DAB1: variants seen among roughly 807,000 people sequenced by gnomAD.
The protein encoded by DAB1 is DAB adaptor protein 1.
Under a neutral mutation model 64.6 loss-of-function variants are expected in DAB1, and 15 were observed. The observed-to-expected ratio is 0.23, with a 90% CI of 0.16 to 0.36. The LOEUF (loss-of-function observed/expected upper bound fraction) is 0.36, where lower values mean the gene tolerates loss of function less well. Among genes scored for constraint, DAB1 ranks in the 10% least tolerant of loss-of-function variants. The pLI is 1.00. For missense variants in DAB1, 596 were observed against 706.7 expected, an observed-to-expected ratio of 0.84 and a Z score of 1.78; for synonymous variants, 235 against 251.9, an observed-to-expected ratio of 0.93 and a Z score of 0.64.
intron 11 of DAB1, among the ~76,000 whole-genome samples, chr1:57,020,686 T>C (rs1382233773): frequency 2.0e-5 from 3 of 152,238 alleles, no homozygotes; most frequent in Non-Finnish European, 4.4e-5. Flanking sequence ...CAGCATATTC[T>C]ACACTAAATA....
At chr1:57,763,073 A>G (rs767516515) in intron 6 of DAB1, among the ~76,000 whole-genome samples, 8 of 152,174 alleles carry the variant, frequency 5.3e-5, no homozygotes, top group Non-Finnish European at 1.2e-4. Flanking sequence ...TCCCTCCCCT[A>G]TTGCAAAATA....
At chr1:58,492,413 A>G (rs567881406) in intron 3 of DAB1, among the ~76,000 whole-genome samples, 3 of 150,864 alleles carry the variant, frequency 2.0e-5, no homozygotes, top group African/African-American at 7.3e-5. Context: ...AATAACTAAG[A>G]TCAGAGCAGA....
chr1:58,379,037 C>T (rs1644362632), intron 3 of DAB1, among the ~76,000 whole-genome samples: 2 of 151,460 alleles, frequency 1.3e-5, no homozygotes, highest in Non-Finnish European at 2.9e-5. Context: ...CCTGCTTCGG[C>T]TCGCGCATGG....
Position 57,747,207 on chromosome 1 carries a change from T to C in DAB1, n.552-97542A>G, listed in dbSNP as rs1459454593. Among the ~76,000 whole-genome samples, 5 of 152,222 alleles carry C rather than the reference T, an allele frequency of 3.3e-5. No individual in the cohort carries two copies. In the East Asian group the frequency reaches 9.6e-4, roughly 29 times the overall value. ...TAAGTTCTCCCAAAGTTCTAAACCA[T>C]ACATATTCGCCCCTTCTTGCCCTTG... On this transcript the variant is annotated intron_variant and non_coding_transcript_variant, in intron 6 of 20. Transcript: ENST00000485760.
intron 4 of DAB1, among the ~76,000 whole-genome samples, chr1:57,122,214 G>C (rs1417445657): frequency 6.6e-6 from 1 of 152,130 alleles, no homozygotes; most frequent in Non-Finnish European, 1.5e-5. Context: ...TGTTTACTCG[G>C]CTGCTAGATT....
chr1:57,770,573 C>T (rs536387935), intron 6 of DAB1, among the ~76,000 whole-genome samples: 2 of 152,208 alleles, frequency 1.3e-5, no homozygotes, highest in African/African-American at 4.8e-5. Context: ...TCTGTCAAGG[C>T]AAAATGTTAT....
chr1:57,733,750 GAGA>G (rs1275742444), intron 6 of DAB1, among the ~76,000 whole-genome samples: 2 of 152,102 alleles, frequency 1.3e-5, no homozygotes, highest in African/African-American at 4.8e-5. Flanking sequence ...GGGTCTGAAG[GAGA>G]AGAAGGGCAG....
chr1:58,124,274 G>A (rs1031265860), intron 5 of DAB1, among the ~76,000 whole-genome samples: 1 of 151,780 alleles, frequency 6.6e-6, no homozygotes, highest in Non-Finnish European at 1.5e-5. Flanking sequence ...AACAAAGATG[G>A]TCAATTACAG....
intron 9 of DAB1, among the ~76,000 whole-genome samples, chr1:57,041,414 A>T (rs186172032): frequency 6.6e-6 from 1 of 152,322 alleles, no homozygotes; most frequent in Admixed American, 6.5e-5. Context: ...AGAGTGTGAG[A>T]AGTGCCACAA....
chr1:57,490,309 AGGT>A (rs1426971377), intron 7 of DAB1, among the ~76,000 whole-genome samples: 2 of 152,110 alleles, frequency 1.3e-5, no homozygotes, highest in African/African-American at 2.4e-5. Context: ...GGCTTTGGGT[AGGT>A]TCGGTGACCA....
intron 3 of DAB1, among the ~76,000 whole-genome samples, chr1:58,434,543 A>C (rs1180628193): frequency 6.6e-6 from 1 of 152,168 alleles, no homozygotes; most frequent in Non-Finnish European, 1.5e-5. Flanking sequence ...TTCCTTTTTG[A>C]CTTGTTGAGT....
intron 6 of DAB1, among the ~76,000 whole-genome samples, chr1:57,716,073 T>TTATTTTTTG (rs1366918071): frequency 5.9e-5 from 9 of 151,986 alleles, no homozygotes; most frequent in Admixed American, 5.3e-4. Context: ...CCACACCCAG[T>TTATTTTTTG]TATTTTTTGT....
At chr1:58,098,971 A>G (rs966883817) in intron 5 of DAB1, among the ~76,000 whole-genome samples, 1 of 152,208 alleles carries the variant, frequency 6.6e-6, no homozygotes, top group African/African-American at 2.4e-5. Context: ...AGCCAGGTGG[A>G]GAAGAAGAGA....
chr1:57,263,471 A>G (rs1318233633), intron 2 of DAB1, among the ~76,000 whole-genome samples: 1 of 152,186 alleles, frequency 6.6e-6, no homozygotes, highest in East Asian at 1.9e-4. Flanking sequence ...GAAATGACGT[A>G]TATAAAATGT....
chr1:58,347,269 G>A (rs998490072), intron 3 of DAB1, among the ~76,000 whole-genome samples: 8 of 152,074 alleles, frequency 5.3e-5, no homozygotes, highest in East Asian at 3.9e-4. Context: ...CACCATGTCC[G>A]GCTAATTTTT....
At chr1:57,562,111 G>A (rs1273672242) in intron 7 of DAB1, among the ~76,000 whole-genome samples, 2 of 152,162 alleles carry the variant, frequency 1.3e-5, no homozygotes, top group East Asian at 1.9e-4. Flanking sequence ...AGTGGCTCAC[G>A]CCTGTAATCC....
intron 1 of DAB1, among the ~76,000 whole-genome samples, chr1:57,325,686 T>C (rs183113036): frequency 6.6e-6 from 1 of 152,320 alleles, no homozygotes; most frequent in East Asian, 1.9e-4. Context: ...AAGCCAGTCA[T>C]TGTAAGTAGG....
intron 5 of DAB1, among the ~76,000 whole-genome samples, chr1:57,896,289 T>A (rs1644390898): frequency 6.6e-6 from 1 of 152,110 alleles, no homozygotes; most frequent in Admixed American, 6.5e-5. Flanking sequence ...TATCAGTGCT[T>A]AGCCTAGGGC....
At chr1:58,155,763 G>A (rs1021168315) in intron 4 of DAB1, among the ~76,000 whole-genome samples, 2 of 152,238 alleles carry the variant, frequency 1.3e-5, no homozygotes, top group Non-Finnish European at 2.9e-5. Flanking sequence ...GTGAAGCAAT[G>A]CCTGGCACGT....
Sources: gnomAD v4.1 joint callset for allele counts (sites outside exome capture counted in the v4.1 genomes callset) on GRCh38, gnomAD v4.1.1 for gene constraint, MANE v1.5 for transcripts, NCBI Gene and HGNC (gene_info 2026-07-23, HGNC 2026-07-21) for gene names.